ZFAND4: variants seen among roughly 807,000 people sequenced by gnomAD.
ZFAND4 encodes the protein AN1-type zinc finger protein 4.
In ZFAND4, 43 loss-of-function variants were observed where a neutral mutation model predicts 64.4. The observed-to-expected ratio is 0.67, with a 90% CI of 0.52 to 0.86. The LOEUF is 0.86. ZFAND4 is among the 40% of genes least tolerant of loss of function. The pLI, the probability that ZFAND4 is intolerant of heterozygous loss-of-function variation, is 0.00. For missense variants in ZFAND4, 929 were observed against 859.8 expected (o/e 1.08, Z -1.01); for synonymous variants, 296 against 305.7 (o/e 0.97, Z 0.33).
intron 2 of ZFAND4, among the ~76,000 whole-genome samples, chr10:45,657,283 A>C (rs1261702231): frequency 1.3e-5 from 2 of 152,144 alleles, no homozygotes; most frequent in African/African-American, 4.8e-5. Context: ...CTCAACCTGA[A>C]CTTATTAAGA....
At chr10:45,636,268 T>A (rs1454681010) in intron 6 of ZFAND4, among the ~76,000 whole-genome samples, 1 of 152,184 alleles carries the variant, frequency 6.6e-6, no homozygotes, top group African/African-American at 2.4e-5. Context: ...TTTCCACATA[T>A]CTATTATTAA....
chr10:45,621,034 C>G (rs2045383600), intron 8 of ZFAND4: 1 of 152,182 alleles, frequency 6.6e-6, no homozygotes, highest in Non-Finnish European at 1.5e-5. Context: ...ATTTCCTAGT[C>G]TCATATTTTA....
chr10:45,664,678 C>A (rs985973874), intron 1 of ZFAND4, among the ~76,000 whole-genome samples: 3 of 151,880 alleles, frequency 2.0e-5, no homozygotes, highest in Non-Finnish European at 4.4e-5. Flanking sequence ...GTAATCCCAG[C>A]ACTTTGGGAG....
intron 7 of ZFAND4, 99 bp from the exon 8 acceptor site, chr10:45,624,736 T>G: frequency 1.0e-6 from 1 of 982,126 alleles, no homozygotes; most frequent in Non-Finnish European, 1.5e-6. Context: ...AAGATGCTGT[T>G]GGACTTTCAT....
At chr10:45,632,864 T>G (rs762665646) in intron 6 of ZFAND4, among the ~76,000 whole-genome samples, 12 of 152,074 alleles carry the variant, frequency 7.9e-5, no homozygotes, top group African/African-American at 1.2e-4. Flanking sequence ...AACTCTATAG[T>G]GTATATAAAG....
chr10:45,643,934 T>C (rs1272214886), intron 5 of ZFAND4, among the ~76,000 whole-genome samples: 1 of 152,172 alleles, frequency 6.6e-6, no homozygotes, highest in Admixed American at 6.5e-5. Context: ...AATAATGGTA[T>C]TTCATAACAA....
At chr10:45,647,135 T>C (rs1210263201) in intron 5 of ZFAND4, among the ~76,000 whole-genome samples, 3 of 152,192 alleles carry the variant, frequency 2.0e-5, no homozygotes, top group Non-Finnish European at 2.9e-5. Context: ...GCAAAGGACG[T>C]TGCAGATGTA....
intron 9 of ZFAND4, chr10:45,617,713 C>T (rs1045952012): frequency 4.6e-5 from 7 of 150,932 alleles, no homozygotes; most frequent in African/African-American, 1.7e-4. Flanking sequence ...TCAATCAATA[C>T]TAATGAAATA....
At chr10:45,621,677 G>A (rs1316774521) in intron 8 of ZFAND4, among the ~76,000 whole-genome samples, 1 of 152,130 alleles carries the variant, frequency 6.6e-6, no homozygotes, top group African/African-American at 2.4e-5. Flanking sequence ...GGGAGGTGGA[G>A]CTTGCAGTGA....
chr10:45,665,446 C>A (rs1033634750), intron 1 of ZFAND4, among the ~76,000 whole-genome samples: 1 of 152,068 alleles, frequency 6.6e-6, no homozygotes, highest in Non-Finnish European at 1.5e-5. Flanking sequence ...GAGGCTGAGG[C>A]AGGAGAACCG....
intron 9 of ZFAND4, 83 bp downstream of exon 9, chr10:45,618,057 A>C: frequency 3.5e-6 from 5 of 1,414,040 alleles, no homozygotes; most frequent in Non-Finnish European, 4.8e-6. Flanking sequence ...ATAAACAGGC[A>C]ATTTAAATAT....
At chr10:45,650,006 T>G (rs561367018) in intron 4 of ZFAND4, 1 of 152,348 alleles carries the variant, frequency 6.6e-6, no homozygotes, top group East Asian at 1.9e-4. Flanking sequence ...ACAATATATA[T>G]GAAGTTTGAT....
chr10:45,668,260 T>A lies in ZFAND4; in HGVS notation c.-118+3990A>T, dbSNP rs559813956. Among the ~76,000 whole-genome samples the A allele has an allele frequency of 1.7e-4, 26 of 152,338 alleles. No individual in the cohort carries two copies. The South Asian group carries it at 5.2e-3, about 30-fold the overall frequency. ...TGTCTGTCAGGATTTGGTATCAGGG[T>A]AATATTGGCCTTAGCCAAACTAAGC... On this transcript the variant is annotated intron_variant, in intron 1 of 9. Transcript: ENST00000344646.
At chr10:45,648,870 CT>C in intron 4 of ZFAND4, 3 of 857,624 alleles carry the variant, frequency 3.5e-6, no homozygotes, top group Non-Finnish European at 4.2e-6. Flanking sequence ...TATGATATTA[CT>C]ATCAATAATT....
chr10:45,617,591 GA>G (rs11362238), intron 9 of ZFAND4, among the ~76,000 whole-genome samples: 17,725 of 70,632 alleles, frequency 0.25, 889 homozygotes, highest in South Asian at 0.33. Context: ...TTACAGTACT[GA>G]AAAAAAAAAA....
At chr10:45,652,950 GC>G (rs2047855995) in intron 3 of ZFAND4, 33 bp downstream of exon 3, 5 of 1,513,266 alleles carry the variant, frequency 3.3e-6, no homozygotes, top group Non-Finnish European at 4.6e-6. Flanking sequence ...AATACTAAGT[GC>G]CTACAAAACA....
intron 6 of ZFAND4, among the ~76,000 whole-genome samples, chr10:45,639,112 A>C (rs1165269063): frequency 1.3e-5 from 2 of 152,198 alleles, no homozygotes; most frequent in Admixed American, 1.3e-4. Flanking sequence ...AGCCATTAAT[A>C]GAGTAAAAAG....
intron 1 of ZFAND4, among the ~76,000 whole-genome samples, chr10:45,665,226 G>A (rs1431793026): frequency 2.0e-5 from 3 of 152,040 alleles, no homozygotes; most frequent in Admixed American, 6.6e-5. Flanking sequence ...CTGGTGAGGT[G>A]GTTAAACCTT....
At chr10:45,624,203 C>T (rs1299248238) in intron 8 of ZFAND4, among the ~76,000 whole-genome samples, 1 of 152,214 alleles carries the variant, frequency 6.6e-6, no homozygotes, top group East Asian at 1.9e-4. Context: ...ATTCTTACCA[C>T]CACCTCTGAT....
Sources: allele counts gnomAD v4.1 joint callset (sites outside exome capture counted in the v4.1 genomes callset), GRCh38; gene constraint gnomAD v4.1.1; transcripts MANE v1.5; gene names NCBI Gene and HGNC (gene_info 2026-07-23, HGNC 2026-07-21).